FAT3: variants seen among roughly 807,000 people sequenced by gnomAD.
FAT3 encodes protocadherin Fat 3.
FAT3 carries 95 observed loss-of-function variants against 310.2 expected under a neutral mutation model. The observed-to-expected ratio is 0.31, with a 90% CI of 0.26 to 0.36. The LOEUF (loss-of-function observed/expected upper bound fraction) is 0.36, where lower values mean the gene tolerates loss of function less well. Among genes scored for constraint, FAT3 ranks in the 10% least tolerant of loss-of-function variants. The pLI is 1.00. For missense variants in FAT3, 5,408 were observed against 5,715.6 expected (o/e 0.95, Z 1.74); for synonymous variants, 2,314 against 2,192.9 (o/e 1.06, Z -1.54).
chr11:92,426,232 T>G (rs1311695677), intron 2 of FAT3, among the ~76,000 whole-genome samples: 3 of 152,162 alleles, frequency 2.0e-5, no homozygotes, highest in Admixed American at 2.0e-4. Flanking sequence ...GTTGGGGTTG[T>G]TTTTTTCTTG....
chr11:92,838,048 A>G (rs1948450447), intron 17 of FAT3, among the ~76,000 whole-genome samples: 1 of 152,192 alleles, frequency 6.6e-6, no homozygotes. Flanking sequence ...TCTCCCCACA[A>G]CAACACTGTG....
At chr11:92,307,110 T>G (rs1255930675) in intron 1 of FAT3, among the ~76,000 whole-genome samples, 1 of 151,902 alleles carries the variant, frequency 6.6e-6, no homozygotes, top group Non-Finnish European at 1.5e-5. Context: ...CACTTAAGTA[T>G]GAATTCATAA....
At chr11:92,420,287 T>C (rs1355104155) in intron 2 of FAT3, among the ~76,000 whole-genome samples, 1 of 152,204 alleles carries the variant, frequency 6.6e-6, no homozygotes, top group Non-Finnish European at 1.5e-5. Flanking sequence ...TAATTATAAA[T>C]CATAAATGGA....
At chr11:92,238,986 TA>T (rs1174565751) in intron 1 of FAT3, among the ~76,000 whole-genome samples, 20 of 152,294 alleles carry the variant, frequency 1.3e-4, no homozygotes, top group African/African-American at 4.8e-4. Flanking sequence ...CGTTTGTTAA[TA>T]ACAACTAACA....
rs150864387 is a variant in FAT3, at chr11:92,261,401, G to C, written c.-18+36227G>C. Among the ~76,000 whole-genome samples the C allele has an allele frequency of 7.9e-5, 12 of 152,180 alleles. No individual in the cohort carries two copies. In the East Asian group the frequency reaches 1.9e-3, roughly 25 times the overall value. On this transcript the variant is annotated intron_variant, in intron 1 of 27. Transcript: ENST00000525166. ...TTGTAGACTGAATGAATTAAAACTGGATTCCCCACTATACTTTGGGTACTA... is the reference window on the plus strand; with the variant it reads ...TTGTAGACTGAATGAATTAAAACTGCATTCCCCACTATACTTTGGGTACTA...
chr11:92,286,590 G>A (rs1346928220), intron 1 of FAT3, among the ~76,000 whole-genome samples: 2 of 152,174 alleles, frequency 1.3e-5, no homozygotes, highest in African/African-American at 4.8e-5. Flanking sequence ...CTGATAACTA[G>A]TTCACTTAGA....
chr11:92,232,216 G>A (rs1458205), intron 1 of FAT3, among the ~76,000 whole-genome samples: 67,401 of 151,804 alleles, frequency 0.44, 15,477 homozygotes, highest in Non-Finnish European at 0.52. Flanking sequence ...CTTTAACATC[G>A]CCCATGTTAT....
At chr11:92,242,458 C>G (rs1240745032) in intron 1 of FAT3, among the ~76,000 whole-genome samples, 1 of 151,532 alleles carries the variant, frequency 6.6e-6, no homozygotes, top group Non-Finnish European at 1.5e-5. Context: ...TTAGAACCAC[C>G]TTTTTTTTGG....
At chr11:92,507,548 G>A (rs979315245) in intron 2 of FAT3, among the ~76,000 whole-genome samples, 2 of 151,302 alleles carry the variant, frequency 1.3e-5, no homozygotes, top group African/African-American at 4.9e-5. Flanking sequence ...TACATATATA[G>A]GGTGTATATA....
At chr11:92,527,904 T>C (rs1221995106) in intron 3 of FAT3, among the ~76,000 whole-genome samples, 1 of 152,256 alleles carries the variant, frequency 6.6e-6, no homozygotes, top group Non-Finnish European at 1.5e-5. Context: ...ATTTATGCTT[T>C]AGATTTTTTT....
intron 12 of FAT3, among the ~76,000 whole-genome samples, chr11:92,807,821 C>A: frequency 6.6e-6 from 1 of 152,158 alleles, no homozygotes; most frequent in East Asian, 1.9e-4. Context: ...AAGGCCAGAG[C>A]TAATGGAAAA....
intron 2 of FAT3, among the ~76,000 whole-genome samples, chr11:92,512,191 A>G (rs1343829723): frequency 6.6e-6 from 1 of 152,182 alleles, no homozygotes; most frequent in Non-Finnish European, 1.5e-5. Flanking sequence ...TATGTGACAT[A>G]TAAAGTATAT....
At chr11:92,270,374 T>C (rs1158967482) in intron 1 of FAT3, among the ~76,000 whole-genome samples, 2 of 152,014 alleles carry the variant, frequency 1.3e-5, no homozygotes, top group Non-Finnish European at 2.9e-5. Context: ...TCTAGTCTAC[T>C]GGTTTTAAAT....
At chr11:92,479,416 CACA>C (rs1952155757) in intron 2 of FAT3, among the ~76,000 whole-genome samples, 1 of 152,126 alleles carries the variant, frequency 6.6e-6, no homozygotes, top group African/African-American at 2.4e-5. Context: ...CTTCCATTTT[CACA>C]ACATTTATTC....
intron 1 of FAT3, among the ~76,000 whole-genome samples, chr11:92,233,691 C>T (rs996827709): frequency 6.6e-6 from 1 of 152,090 alleles, no homozygotes; most frequent in African/African-American, 2.4e-5. Context: ...ACAACTGCTA[C>T]AATGAGGAAA....
chr11:92,308,705 A>C (rs1438187066), intron 1 of FAT3, among the ~76,000 whole-genome samples: 8 of 152,168 alleles, frequency 5.3e-5, no homozygotes, highest in Non-Finnish European at 8.8e-5. Context: ...TACAGAAGAG[A>C]TTATTTAATT....
At chr11:92,706,535 A>C (rs1042386604) in intron 4 of FAT3, among the ~76,000 whole-genome samples, 7 of 148,740 alleles carry the variant, frequency 4.7e-5, no homozygotes, top group African/African-American at 1.0e-4. Flanking sequence ...TTTGTTTCCC[A>C]AAAAAAAAAT....
At chr11:92,555,452 T>C (rs890416433) in intron 3 of FAT3, among the ~76,000 whole-genome samples, 5 of 152,234 alleles carry the variant, frequency 3.3e-5, no homozygotes, top group African/African-American at 1.2e-4. Flanking sequence ...TTAAGCCAAG[T>C]GCCCTCTGGG....
chr11:92,564,677 A>G (rs1420447988), intron 3 of FAT3, among the ~76,000 whole-genome samples: 1 of 152,166 alleles, frequency 6.6e-6, no homozygotes, highest in Non-Finnish European at 1.5e-5. Context: ...AGAAGTTATA[A>G]CAAACTATCT....
Sources: allele counts gnomAD v4.1 joint callset (sites outside exome capture counted in the v4.1 genomes callset), GRCh38; gene constraint gnomAD v4.1.1; transcripts MANE v1.5; gene names NCBI Gene and HGNC (gene_info 2026-07-23, HGNC 2026-07-21).